SESTD1: variants seen among roughly 807,000 people sequenced by gnomAD.
SESTD1 encodes the protein SEC14 and spectrin domain containing 1, also known as SEC14 domain and spectrin repeat-containing protein 1.
SESTD1 carries 43 observed loss-of-function variants against 101.7 expected under a neutral mutation model. The observed-to-expected ratio is 0.42, with a 90% CI of 0.33 to 0.55. The LOEUF is 0.55. Among genes scored for constraint, SESTD1 ranks in the 20% least tolerant of loss-of-function variants. SESTD1 has a pLI of 0.07. For missense variants in SESTD1, 647 were observed against 815.1 expected, an observed-to-expected ratio of 0.79 and a Z score of 2.51; for synonymous variants, 283 against 286.8, an observed-to-expected ratio of 0.99 and a Z score of 0.13.
intron 1 of SESTD1, among the ~76,000 whole-genome samples, chr2:179,201,770 T>A (rs1276010547): frequency 3.2e-5 from 4 of 124,672 alleles, no homozygotes; most frequent in Admixed American, 7.7e-5. Flanking sequence ...CTGGGGACTG[T>A]TGTGGGGTGG....
chr2:179,183,898 AAGGGAGGT>A (rs2046163506), intron 2 of SESTD1, among the ~76,000 whole-genome samples: 1 of 148,090 alleles, frequency 6.8e-6, no homozygotes, highest in Non-Finnish European at 1.5e-5. Context: ...GGAAACGAGG[AAGGGAGGT>A]AGGGAGGGAG....
chr2:179,216,064 T>C lies in SESTD1; in HGVS notation c.-25-24198A>G, dbSNP rs2046716033. 1.5e-5 allele frequency among the ~76,000 whole-genome samples: 2 copies of C among 135,018 alleles called. 1 individual carries two copies. Among genetic ancestry groups the C allele is most frequent in the South Asian group, 5.6e-4 (2 of 3,542 alleles). 88.6% of individuals were successfully genotyped at this position (135,018 alleles called of 152,430 possible). A position where few individuals can be genotyped will look rare whatever the true frequency, so the allele number is the denominator to read the frequency against. ...GGGCAAAAACTGGAAGCATCCCCTT[T>C]GAAAACCTGCACAAGACAAGGATGC... On this transcript the variant is annotated intron_variant, in intron 1 of 17. Coordinates refer to ENST00000428443, the MANE Select transcript of SESTD1 (RefSeq NM_178123.5).
chr2:179,137,546 T>C (rs957602942), intron 9 of SESTD1, among the ~76,000 whole-genome samples: 1 of 152,186 alleles, frequency 6.6e-6, no homozygotes, highest in Non-Finnish European at 1.5e-5. Flanking sequence ...ACTGCCACAA[T>C]AAATAATGAG....
chr2:179,228,474 G>A (rs1184990992), intron 1 of SESTD1, among the ~76,000 whole-genome samples: 2 of 152,178 alleles, frequency 1.3e-5, no homozygotes, highest in African/African-American at 2.4e-5. Context: ...ACAAGCCTGT[G>A]GTGGGAATGG....
chr2:179,188,927 G>A (rs1240781271), intron 2 of SESTD1, among the ~76,000 whole-genome samples: 1 of 151,912 alleles, frequency 6.6e-6, no homozygotes, highest in Non-Finnish European at 1.5e-5. Flanking sequence ...AAACTGAATT[G>A]GTAATTTAAA....
intron 5 of SESTD1, among the ~76,000 whole-genome samples, chr2:179,155,171 C>T (rs1218828497): frequency 3.3e-5 from 5 of 151,960 alleles, no homozygotes; most frequent in Non-Finnish European, 7.4e-5. Flanking sequence ...CTGCCCTGGC[C>T]TCCTAAAGTG....
chr2:179,255,922 T>A (rs191851226), intron 1 of SESTD1, among the ~76,000 whole-genome samples: 29 of 152,260 alleles, frequency 1.9e-4, no homozygotes, highest in African/African-American at 7.0e-4. Context: ...CTCAGTCTGT[T>A]CTCTATAAAT....
At chr2:179,255,057 A>T (rs1307601771) in intron 1 of SESTD1, among the ~76,000 whole-genome samples, 1 of 152,066 alleles carries the variant, frequency 6.6e-6, no homozygotes, top group Non-Finnish European at 1.5e-5. Context: ...GGCGAACTTA[A>T]TCAATACATA....
chr2:179,137,020 A>AG (rs1305634528), intron 9 of SESTD1, among the ~76,000 whole-genome samples: 1 of 152,206 alleles, frequency 6.6e-6, no homozygotes, highest in Non-Finnish European at 1.5e-5. Context: ...TTGATGCCCC[A>AG]GTAAACAAGT....
At chr2:179,228,236 C>T (rs1320587603) in intron 1 of SESTD1, among the ~76,000 whole-genome samples, 1 of 152,078 alleles carries the variant, frequency 6.6e-6, no homozygotes, top group Non-Finnish European at 1.5e-5. Context: ...TGTGTCTGTG[C>T]ACGCATGTGT....
At chr2:179,222,052 T>G (rs985708011) in intron 1 of SESTD1, among the ~76,000 whole-genome samples, 2 of 152,240 alleles carry the variant, frequency 1.3e-5, no homozygotes, top group African/African-American at 2.4e-5. Flanking sequence ...AAATGTCATT[T>G]TGGAACAAAC....
chr2:179,156,705 G>T lies in SESTD1; in HGVS notation c.370-5314C>A, dbSNP rs112897526. The stretch of plus-strand genomic sequence containing the variant: ...TTTTTCTTGCTGATTTGAGTTCATT[G>T]TAGATTCTGCATATTGTCCTTTATC... On this transcript the variant is annotated intron_variant, in intron 5 of 17. Coordinates refer to ENST00000428443, the MANE Select transcript of SESTD1 (RefSeq NM_178123.5). 2.1e-3 allele frequency among the ~76,000 whole-genome samples: 323 copies of T among 152,220 alleles called. 6 individuals carry two copies. The highest frequency in any genetic ancestry group is 7.4e-3 in the African/African-American group (309 of 41,566).
chr2:179,170,844 G>A (rs2045918729), intron 5 of SESTD1, among the ~76,000 whole-genome samples: 1 of 152,266 alleles, frequency 6.6e-6, no homozygotes, highest in African/African-American at 2.4e-5. Context: ...GGCCATGAGG[G>A]TGGTGCACCC....
At chr2:179,235,465 G>A (rs573228217) in intron 1 of SESTD1, among the ~76,000 whole-genome samples, 2 of 152,168 alleles carry the variant, frequency 1.3e-5, no homozygotes, top group Non-Finnish European at 1.5e-5. Flanking sequence ...TAAAATTACA[G>A]TCATCTGTGA....
rs868019748 is a variant in SESTD1 at position 179,144,174 on chromosome 2, T to C, written c.638-371A>G. 3.9e-5 allele frequency among the ~76,000 whole-genome samples: 6 copies of C among 152,104 alleles called. No homozygotes were observed. The South Asian group carries it at 1.2e-3, about 31-fold the overall frequency. ...TTGGTGAATTCATTACTCAGGATAC[T>C]GTGCCAAACAATCCTATTTCCCTGT... On this transcript the variant is annotated intron_variant, in intron 8 of 17. Transcript: ENST00000428443.
chr2:179,220,559 T>C (rs952985037), intron 1 of SESTD1, among the ~76,000 whole-genome samples: 2 of 152,172 alleles, frequency 1.3e-5, no homozygotes, highest in African/African-American at 2.4e-5. Context: ...TTTCTGCATC[T>C]AAGCCTTGTG....
rs1381631185 is a variant in SESTD1 at position 179,104,399 on chromosome 2, A to G, written c.*5500T>C. The G allele has an allele frequency of 6.6e-6, 1 of 152,182 alleles. No individual in the cohort carries two copies. The highest frequency in any genetic ancestry group is 2.4e-5 in the African/African-American group (1 of 41,458). 9.4% of individuals were successfully genotyped at this position (152,182 alleles called of 1,614,324 possible). A position where few individuals can be genotyped will look rare whatever the true frequency, so the allele number is the denominator to read the frequency against. ...AACATTCCTAAGAGAAAAATCAAAC[A>G]TACAAATTTTATTTACCCTAACTTC... On this transcript the variant is annotated 3_prime_UTR_variant, in exon 18 of 18. Transcript: ENST00000428443.
intron 1 of SESTD1, among the ~76,000 whole-genome samples, chr2:179,261,678 GCTACATTGCTATAACC>G (rs1273508798): frequency 6.6e-6 from 1 of 151,976 alleles, no homozygotes; most frequent in African/African-American, 2.4e-5. Context: ...AACCCTCATT[GCTACATTGCTATAACC>G]CTACATTGCT....
chr2:179,199,217 A>C (rs535432793), intron 1 of SESTD1, among the ~76,000 whole-genome samples: 10 of 152,156 alleles, frequency 6.6e-5, no homozygotes, highest in Admixed American at 3.3e-4. Flanking sequence ...GAAATGGATA[A>C]ATTCCTCGAC....
Sources: gnomAD v4.1 joint callset for allele counts (sites outside exome capture counted in the v4.1 genomes callset) on GRCh38, gnomAD v4.1.1 for gene constraint, MANE v1.5 for transcripts, NCBI Gene and HGNC (gene_info 2026-07-23, HGNC 2026-07-21) for gene names.